Variants in IQCK observed in about 807,000 individuals in gnomAD.
IQCK encodes the protein IQ motif containing K.
IQCK carries 29 observed loss-of-function variants against 28.1 expected under a neutral mutation model. The observed-to-expected ratio is 1.03, with a 90% CI of 0.77 to 1.41. The LOEUF (loss-of-function observed/expected upper bound fraction) is 1.41, where lower values mean the gene tolerates loss of function less well. Ranked by LOEUF, IQCK falls within the 40% of genes most tolerant of loss-of-function variation. IQCK has a pLI of 0.00. For synonymous variants in IQCK, 113 were observed against 115.1 expected, an observed-to-expected ratio of 0.98 and a Z score of 0.12; for missense variants, 359 against 314.7, an observed-to-expected ratio of 1.14 and a Z score of -1.07.
intron 9 of IQCK, 50 bp from the exon 9 acceptor site, chr16:19,856,437 C>T: frequency 6.7e-7 from 1 of 1,498,680 alleles, no homozygotes; most frequent in Non-Finnish European, 9.3e-7. Context: ...AATGACAAGC[C>T]TGTCTACGTA....
chr16:19,770,768 A>C lies in IQCK; in HGVS notation c.605+6656A>C, dbSNP rs148113301. 7.8e-3 allele frequency among the ~76,000 whole-genome samples: 1,190 copies of C among 152,214 alleles called. 10 individuals carry two copies. Among genetic ancestry groups the C allele is most frequent in the African/African-American group, 0.027 (1,120 of 41,548 alleles). On this transcript the variant is annotated intron_variant, in intron 6 of 7. Coordinates refer to ENST00000564186, the Ensembl canonical transcript of IQCK. ...CTCCCAAGTAGCTGGGATTACAGGCATGCGCCACCATGCCCGACTAATTTT... is the reference window on the plus strand; with the variant it reads ...CTCCCAAGTAGCTGGGATTACAGGCCTGCGCCACCATGCCCGACTAATTTT...
At chr16:19,847,073 C>T (rs1164290079) in intron 9 of IQCK, among the ~76,000 whole-genome samples, 2 of 152,072 alleles carry the variant, frequency 1.3e-5, no homozygotes, top group East Asian at 1.9e-4. Context: ...TATCTCTGAG[C>T]CTCAATTTCT....
chr16:19,853,206 A>G (rs958902578), intron 9 of IQCK, among the ~76,000 whole-genome samples: 4 of 152,124 alleles, frequency 2.6e-5, no homozygotes, highest in Non-Finnish European at 5.9e-5. Context: ...GTGCCTCCAG[A>G]GATGGTGACC....
intron 7 of IQCK, among the ~76,000 whole-genome samples, chr16:19,811,213 G>T (rs1213448817): frequency 6.6e-6 from 1 of 152,272 alleles, no homozygotes; most frequent in East Asian, 1.9e-4. Flanking sequence ...TGAAGCCGCA[G>T]TGAGCCCAGA....
intron 9 of IQCK, among the ~76,000 whole-genome samples, chr16:19,840,215 G>A (rs751459721): frequency 1.3e-5 from 2 of 152,110 alleles, no homozygotes; most frequent in Non-Finnish European, 2.9e-5. Flanking sequence ...AATTAGCTAG[G>A]TGTGGTGGCA....
At chr16:19,724,465 T>C (rs1375887051) in intron 1 of IQCK, among the ~76,000 whole-genome samples, 1 of 152,176 alleles carries the variant, frequency 6.6e-6, no homozygotes, top group African/African-American at 2.4e-5. Context: ...AGCGTCATCT[T>C]CCTGTTCCAT....
intron 9 of IQCK, among the ~76,000 whole-genome samples, chr16:19,838,256 C>T (rs2056321581): frequency 6.6e-6 from 1 of 152,046 alleles, no homozygotes; most frequent in South Asian, 2.1e-4. Flanking sequence ...TTGGGGAAAG[C>T]GAGGTGGGAT....
chr16:19,819,787 G>C (rs1246659793), intron 7 of IQCK, among the ~76,000 whole-genome samples: 2 of 152,034 alleles, frequency 1.3e-5, no homozygotes, highest in Admixed American at 1.3e-4. Context: ...GCCACGGGGG[G>C]CAGATCACGA....
intron 7 of IQCK, among the ~76,000 whole-genome samples, chr16:19,819,188 CTTT>C (rs1287424992): frequency 6.6e-6 from 1 of 152,094 alleles, no homozygotes. Flanking sequence ...GCTACTTATT[CTTT>C]TGTTTCAAAT....
In IQCK at chr16:19,777,131, TGAAAA is replaced by T. The variant is rs1415220816; in HGVS notation, c.606-11700_606-11696del. ...TTCAATGAAACAAAGATTGTGTTTT[TGAAAA>T]GAAAAGGTTGCTTTGGGTGAAATGT... is the stretch of plus-strand genomic sequence containing the variant. On this transcript the variant is annotated intron_variant, in intron 6 of 7. Coordinates refer to ENST00000564186, the Ensembl canonical transcript of IQCK. Among the ~76,000 whole-genome samples, 10 of 152,104 alleles carry T rather than the reference TGAAAA, an allele frequency of 6.6e-5. No individual in the cohort carries two copies. The South Asian group carries it at 8.3e-4, about 13-fold the overall frequency.
At chr16:19,724,980 G>A (rs1977609960) in intron 1 of IQCK, among the ~76,000 whole-genome samples, 1 of 152,074 alleles carries the variant, frequency 6.6e-6, no homozygotes, top group Non-Finnish European at 1.5e-5. Context: ...TGTGGCACAG[G>A]GGCTCCACTC....
intron 7 of IQCK, among the ~76,000 whole-genome samples, chr16:19,813,722 C>A (rs2055937621): frequency 6.6e-6 from 1 of 151,982 alleles, no homozygotes; most frequent in Non-Finnish European, 1.5e-5. Context: ...GCTGATAGAT[C>A]TAAATAGTTA....
intron 4 of IQCK, among the ~76,000 whole-genome samples, chr16:19,746,384 T>C (rs1172833764): frequency 6.6e-6 from 1 of 152,162 alleles, no homozygotes; most frequent in Non-Finnish European, 1.5e-5. Flanking sequence ...CTTAAGTTTT[T>C]ATTGACTGTA....
chr16:19,738,725 A>G (rs2054792420), intron 4 of IQCK, among the ~76,000 whole-genome samples: 1 of 152,206 alleles, frequency 6.6e-6, no homozygotes, highest in African/African-American at 2.4e-5. Context: ...TATTTATCTC[A>G]GTGATACAGT....
chr16:19,729,812 T>C (rs1364357520), intron 1 of IQCK, among the ~76,000 whole-genome samples: 1 of 147,502 alleles, frequency 6.8e-6, no homozygotes, highest in Non-Finnish European at 1.5e-5. Context: ...GCCCAGCTAA[T>C]TTTTTGTATT....
chr16:19,854,462 GA>G (rs1373102957), intron 9 of IQCK, among the ~76,000 whole-genome samples: 3 of 152,012 alleles, frequency 2.0e-5, no homozygotes, highest in African/African-American at 7.3e-5. Context: ...AATGCAGATG[GA>G]TGGGCTCCAC....
rs1389058708 is a variant in IQCK at position 19,722,425 on chromosome 16, AC to A, written c.181+3942del. 3.3e-5 allele frequency among the ~76,000 whole-genome samples: 5 copies of A among 151,350 alleles called. No homozygotes were observed. The East Asian group carries it at 7.8e-4, about 24-fold the overall frequency. On this transcript the variant is annotated intron_variant, in intron 1 of 7. Coordinates refer to ENST00000564186, the Ensembl canonical transcript of IQCK. The stretch of plus-strand genomic sequence containing the variant: ...TCTCTACTAGCTTTTTCCTCCAAAC[AC>A]CCCTGGCCTGTCATATCAGGAAGAA...
At chr16:19,831,617 A>G (rs935386342), downstream of IQCK, among the ~76,000 whole-genome samples, 6 of 152,138 alleles carry the variant, frequency 3.9e-5, no homozygotes, top group Non-Finnish European at 8.8e-5. Context: ...GCAATAAAAA[A>G]TAGTGGAGTG....
chr16:19,824,479 CGGTACCAGCATGTGGCTGCAGGGGCTG>C (rs1177862562), intron 7 of IQCK, among the ~76,000 whole-genome samples: 5 of 152,156 alleles, frequency 3.3e-5, no homozygotes, highest in African/African-American at 1.2e-4. Context: ...GGCCATGGAC[CGGTACCAGCATGTGGCTGCAGGGGCTG>C]GGTACCTCCG....
Sources: gnomAD v4.1 joint callset for allele counts (sites outside exome capture counted in the v4.1 genomes callset) on GRCh38, gnomAD v4.1.1 for gene constraint, MANE v1.5 for transcripts, NCBI Gene and HGNC (gene_info 2026-07-23, HGNC 2026-07-21) for gene names.